RERG: variants seen among roughly 807,000 people sequenced by gnomAD.
RERG encodes the protein ras-related and estrogen-regulated growth inhibitor.
In RERG, 25 loss-of-function variants were observed where a neutral mutation model predicts 23.2. The observed-to-expected ratio is 1.08, with a 90% confidence interval of 0.79 to 1.50. RERG has a LOEUF of 1.50. RERG is among the 40% of genes most tolerant of loss of function. RERG has a pLI of 0.00. For missense variants in RERG, 253 were observed against 250.1 expected, an observed-to-expected ratio of 1.01 and a Z score of -0.08; for synonymous variants, 81 against 89.1, an observed-to-expected ratio of 0.91 and a Z score of 0.51.
intron 2 of RERG, among the ~76,000 whole-genome samples, chr12:15,187,566 T>A (rs1159357229): frequency 1.3e-5 from 2 of 151,838 alleles, no homozygotes; most frequent in Non-Finnish European, 2.9e-5. Flanking sequence ...TGAGAACCTT[T>A]TTTTTTTTTG....
intron 2 of RERG, among the ~76,000 whole-genome samples, chr12:15,187,595 G>A (rs1865010800): frequency 1.4e-5 from 2 of 147,402 alleles, no homozygotes; most frequent in South Asian, 2.1e-4. Flanking sequence ...TTTTGCTGTT[G>A]TCACCCAGGC....
At chr12:15,219,967 T>A (rs1162006878) in intron 1 of RERG, among the ~76,000 whole-genome samples, 19 of 152,240 alleles carry the variant, frequency 1.2e-4, no homozygotes, top group Admixed American at 1.2e-3. Flanking sequence ...CAGCTGGTTA[T>A]TGTCAACCTA....
In RERG at chr12:15,109,359, T is replaced by C. The variant is rs1317535921; in HGVS notation, c.351A>G (p.Gly117=). The part of the protein sequence containing the change: ...KPKNVTLILV[G]NKADLDHSRQ... ...TGGAGTGGTCCAAGTCAGCTTTGTT[T>C]CCAACCAAGATGAGAGTCACATTCT... The change falls in exon 5 of 5, where the codon GGA becomes GGG. Residue 117 remains glycine (G), a synonymous_variant. Coordinates refer to ENST00000256953, the MANE Select transcript of RERG (RefSeq NM_032918.3). 2 of 1,614,042 alleles carry C rather than the reference T, an allele frequency of 1.2e-6. No individual in the cohort carries two copies. Among genetic ancestry groups the C allele is most frequent in the Non-Finnish European group, 1.7e-6 (2 of 1,180,014 alleles).
chr12:15,142,865 T>C (rs1323929231), intron 2 of RERG, among the ~76,000 whole-genome samples: 1 of 152,192 alleles, frequency 6.6e-6, no homozygotes, highest in Non-Finnish European at 1.5e-5. Flanking sequence ...CTGGCACAAG[T>C]CTTGATACAT....
chr12:15,117,586 C>T (rs1863746414), intron 3 of RERG, among the ~76,000 whole-genome samples: 1 of 152,064 alleles, frequency 6.6e-6, no homozygotes, highest in African/African-American at 2.4e-5. Context: ...CAGATTCAAA[C>T]ACAGTGCCTC....
At chr12:15,159,738 G>A (rs1353926769) in intron 2 of RERG, among the ~76,000 whole-genome samples, 1 of 152,096 alleles carries the variant, frequency 6.6e-6, no homozygotes, top group Non-Finnish European at 1.5e-5. Context: ...GCAGGAGAAT[G>A]GTGTGAACCC....
At chr12:15,213,641 TACAC>T (rs1202390682) in intron 2 of RERG, among the ~76,000 whole-genome samples, 3 of 152,224 alleles carry the variant, frequency 2.0e-5, no homozygotes, top group African/African-American at 7.2e-5. Flanking sequence ...TGCGTGCACA[TACAC>T]ACATCCCTCA....
chr12:15,194,684 A>C (rs1398266470), intron 2 of RERG, among the ~76,000 whole-genome samples: 1 of 152,080 alleles, frequency 6.6e-6, no homozygotes, highest in Non-Finnish European at 1.5e-5. Context: ...GATGCCAAGA[A>C]AGGAGTTCTA....
intron 2 of RERG, chr12:15,154,451 T>C (rs1375931844): frequency 2.6e-5 from 4 of 152,246 alleles, no homozygotes; most frequent in Admixed American, 6.5e-5. Context: ...TTGATTATTG[T>C]TCCTTATGAA....
chr12:15,153,383 G>A (rs944649768), intron 2 of RERG, among the ~76,000 whole-genome samples: 1 of 152,092 alleles, frequency 6.6e-6, no homozygotes, highest in South Asian at 2.1e-4. Context: ...TGAAATTGAT[G>A]ATCTTAAATT....
chr12:15,166,271 A>T (rs1028617493), intron 2 of RERG, among the ~76,000 whole-genome samples: 5 of 152,248 alleles, frequency 3.3e-5, no homozygotes, highest in Admixed American at 3.3e-4. Flanking sequence ...ATTGAAAATA[A>T]ATAGCCAACC....
chr12:15,120,941 A>G, intron 3 of RERG, 122 bp downstream of exon 3: 1 of 752,590 alleles, frequency 1.3e-6, no homozygotes, highest in Non-Finnish European at 2.3e-6. Flanking sequence ...TCTTTGCATG[A>G]TTTGAAAAGC....
At chr12:15,127,924 C>T (rs1290118459) in intron 2 of RERG, among the ~76,000 whole-genome samples, 3 of 152,130 alleles carry the variant, frequency 2.0e-5, no homozygotes, top group African/African-American at 7.2e-5. Flanking sequence ...AATGTTCCCA[C>T]TATACAGATA....
intron 2 of RERG, among the ~76,000 whole-genome samples, chr12:15,126,322 A>G (rs1863941934): frequency 6.6e-6 from 1 of 151,896 alleles, no homozygotes; most frequent in Non-Finnish European, 1.5e-5. Context: ...ACTTCTGAAC[A>G]TTTATTATCC....
chr12:15,218,143 C>G (rs1283716015), intron 1 of RERG: 1 of 152,266 alleles, frequency 6.6e-6, no homozygotes, highest in African/African-American at 2.4e-5. Flanking sequence ...TACAGATACA[C>G]ATGTTCTAGG....
At chr12:15,184,629 G>T (rs1042996017) in intron 2 of RERG, among the ~76,000 whole-genome samples, 39 of 152,192 alleles carry the variant, frequency 2.6e-4, no homozygotes, top group African/African-American at 9.4e-4. Context: ...TGTGTTTGAA[G>T]TGATGAATTT....
rs957228394 is a variant in RERG at position 15,109,455 on chromosome 12, G to T, written c.255C>A (p.Asp85Glu). Residue 85 changes from aspartate to glutamate, a missense_variant, in exon 5 of 5, where the codon GAC (aspartate) becomes GAA (glutamate). Coordinates refer to ENST00000256953, the MANE Select transcript of RERG (RefSeq NM_032918.3). ...RWGEGFVLVY[D>E]ITDRGSFEEV... is the part of the protein sequence containing the mutation. ...CCTCAAAACTTCCTCGGTCAGTAAT[G>T]TCGTAGACCAGCACAAAGCCTTCCC... 1 of 1,613,906 alleles carries T rather than the reference G, an allele frequency of 6.2e-7. No homozygotes were observed. Among genetic ancestry groups the T allele is most frequent in the East Asian group, 2.2e-5 (1 of 44,870 alleles).
chr12:15,116,931 G>A (rs2900343), intron 3 of RERG, among the ~76,000 whole-genome samples: 101,141 of 151,962 alleles, frequency 0.67, 33,762 homozygotes, highest in Admixed American at 0.74. Context: ...ATAGTTCCAA[G>A]TGAACCAAAA....
chr12:15,160,137 T>A (rs1232135331), intron 2 of RERG, among the ~76,000 whole-genome samples: 1 of 152,202 alleles, frequency 6.6e-6, no homozygotes, highest in Non-Finnish European at 1.5e-5. Context: ...TTTTTATTTG[T>A]ACACTTCTAT....
Sources: gnomAD v4.1 joint callset for allele counts (sites outside exome capture counted in the v4.1 genomes callset) on GRCh38, gnomAD v4.1.1 for gene constraint, MANE v1.5 for transcripts, NCBI Gene and HGNC (gene_info 2026-07-23, HGNC 2026-07-21) for gene names.